The following FRYL variants were observed in gnomAD, a reference collection of about 807,000 sequenced individuals.
FRYL encodes protein furry homolog-like.
Under a neutral mutation model 351.2 loss-of-function variants are expected in FRYL, and 150 were observed. The observed-to-expected ratio is 0.43, with a 90% CI of 0.37 to 0.49. The LOEUF (loss-of-function observed/expected upper bound fraction) is 0.49. Among genes scored for constraint, FRYL ranks in the 20% least tolerant of loss-of-function variants. The probability of loss-of-function intolerance (pLI) is 0.00; values close to 1 mark genes in which losing one functional copy is unlikely to be tolerated. For missense variants in FRYL, 3,036 were observed against 3,619.3 expected (o/e 0.84, Z 4.13); for synonymous variants, 1,153 against 1,257.1 (o/e 0.92, Z 1.75).
At chr4:48,616,255 T>C (rs1484682592) in intron 7 of FRYL, among the ~76,000 whole-genome samples, 1 of 152,012 alleles carries the variant, frequency 6.6e-6, no homozygotes, top group Non-Finnish European at 1.5e-5. Flanking sequence ...ACCTAATGTA[T>C]CACATATTTT....
chr4:48,714,191 C>T (rs1263399233), intron 1 of FRYL, among the ~76,000 whole-genome samples: 1 of 152,028 alleles, frequency 6.6e-6, no homozygotes, highest in Non-Finnish European at 1.5e-5. Context: ...AATTGACACC[C>T]TAACATCACA....
chr4:48,676,258 T>C (rs1015394215), intron 3 of FRYL, among the ~76,000 whole-genome samples: 19 of 152,172 alleles, frequency 1.2e-4, no homozygotes, highest in Admixed American at 9.2e-4. Flanking sequence ...GCTCACTCTT[T>C]GGGTCCATGC....
At chr4:48,623,080 A>T (rs1337356431) in intron 5 of FRYL, 46 bp downstream of exon 5, 1 of 1,215,222 alleles carries the variant, frequency 8.2e-7, no homozygotes, top group South Asian at 1.4e-5. Context: ...TATTAGGATG[A>T]ACACTATTTC....
At chr4:48,521,331 A>C in intron 54 of FRYL, 116 bp from the exon 55 acceptor site, 1 of 724,864 alleles carries the variant, frequency 1.4e-6, no homozygotes. Flanking sequence ...GAGATTTCCT[A>C]AAATCATCTT....
In FRYL at chr4:48,541,228, C is replaced by T. The variant is rs191949638; in HGVS notation, c.5688-268G>A. Among the ~76,000 whole-genome samples the T allele has an allele frequency of 1.7e-4, 26 of 152,294 alleles. No individual in the cohort carries two copies. The East Asian group carries it at 1.7e-3, about 10-fold the overall frequency. On this transcript the variant is annotated intron_variant, in intron 45 of 63. Coordinates refer to ENST00000358350, the MANE Select transcript of FRYL (RefSeq NM_015030.2). The stretch of plus-strand genomic sequence containing the variant: ...ATTCTGCTATAGTAATCGCTAACAA[C>T]GTTCAGCTCTGAGATTTAGGCATAC...
At chr4:48,694,162 G>A (rs562759631) in intron 2 of FRYL, among the ~76,000 whole-genome samples, 22 of 152,066 alleles carry the variant, frequency 1.4e-4, no homozygotes, top group Non-Finnish European at 2.6e-4. Context: ...TGCATATCTC[G>A]GGATGAAGAA....
At chr4:48,700,778 G>C (rs1042301505) in intron 2 of FRYL, among the ~76,000 whole-genome samples, 4 of 151,412 alleles carry the variant, frequency 2.6e-5, no homozygotes, top group Non-Finnish European at 5.9e-5. Flanking sequence ...CTTCAGCCTG[G>C]GTGACAAAGC....
chr4:48,704,728 C>T (rs1343969065), intron 2 of FRYL, among the ~76,000 whole-genome samples: 1 of 151,970 alleles, frequency 6.6e-6, no homozygotes, highest in African/African-American at 2.4e-5. Context: ...GCAGGCGGAT[C>T]ACCTGAGATC....
intron 3 of FRYL, among the ~76,000 whole-genome samples, chr4:48,663,635 C>A (rs1344886163): frequency 6.6e-6 from 1 of 151,276 alleles, no homozygotes; most frequent in African/African-American, 2.4e-5. Context: ...ATTAGCCGGG[C>A]GTGGTAGCGG....
At chr4:48,606,356 G>T (rs1457527942) in intron 10 of FRYL, 82 bp downstream of exon 10, 3 of 782,810 alleles carry the variant, frequency 3.8e-6, no homozygotes, top group Non-Finnish European at 6.0e-6. Flanking sequence ...TAATTTACGT[G>T]TATTTTGTTT....
intron 1 of FRYL, among the ~76,000 whole-genome samples, chr4:48,765,046 T>C (rs1019773935): frequency 1.3e-5 from 2 of 152,160 alleles, no homozygotes; most frequent in African/African-American, 2.4e-5. Flanking sequence ...GGTTTCACCA[T>C]GTTGGCCAAG....
chr4:48,736,579 G>C (rs1560333619), intron 1 of FRYL, among the ~76,000 whole-genome samples: 1 of 152,102 alleles, frequency 6.6e-6, no homozygotes, highest in Non-Finnish European at 1.5e-5. Flanking sequence ...GCCGGGTACA[G>C]TGGCTCACAT....
In FRYL at chr4:48,598,609, A is replaced by G. The variant is rs184781886; in HGVS notation, c.1036-2609T>C. Among the ~76,000 whole-genome samples the G allele has an allele frequency of 2.9e-3, 435 of 152,342 alleles. 2 individuals carry two copies. The highest frequency in any genetic ancestry group is 4.1e-3 in the Non-Finnish European group (276 of 68,022). On this transcript the variant is annotated intron_variant, in intron 13 of 63. Coordinates refer to ENST00000358350, the MANE Select transcript of FRYL (RefSeq NM_015030.2). ...GACTTTTGGTGAAGAATCAGCATTC[A>G]GTGTCAGTTCTATTTCTTAAATTCA... is the stretch of plus-strand genomic sequence containing the variant.
At chr4:48,565,787 G>C (rs559396438) in intron 28 of FRYL, 96 bp from the exon 29 acceptor site, 304 of 1,218,474 alleles carry the variant, frequency 2.5e-4, no homozygotes, top group Non-Finnish European at 3.3e-4. Context: ...GTGTAAAAAA[G>C]AAAGCAGAAG....
Position 48,753,141 on chromosome 4 carries a change from T to A in FRYL, c.-384+26937A>T, listed in dbSNP as rs112027742. Among the ~76,000 whole-genome samples the A allele has an allele frequency of 4.5e-3, 681 of 152,254 alleles. 5 individuals are homozygous for A. Among genetic ancestry groups the A allele is most frequent in the African/African-American group, 0.015 (632 of 41,528 alleles). ...ATCCACTGACCTTGCTAATAAGAGA[T>A]CTTCTTTCTATTGGCACAGGATCAT... On this transcript the variant is annotated intron_variant, in intron 1 of 63. Coordinates refer to ENST00000358350, the MANE Select transcript of FRYL (RefSeq NM_015030.2).
intron 1 of FRYL, among the ~76,000 whole-genome samples, chr4:48,741,357 A>G (rs1316340340): frequency 3.3e-5 from 5 of 152,048 alleles, no homozygotes. Flanking sequence ...TAGCTAATAC[A>G]GTGAAACCCC....
intron 59 of FRYL, among the ~76,000 whole-genome samples, chr4:48,508,417 CTTTAA>C (rs1018332671): frequency 3.3e-5 from 5 of 152,222 alleles, no homozygotes; most frequent in Non-Finnish European, 5.9e-5. Flanking sequence ...TTTAGGTGGT[CTTTAA>C]TTTTTCTCAA....
In FRYL at chr4:48,570,867, T is replaced by C; in HGVS notation, c.2956A>G (p.Ile986Val). 1 of 1,614,004 alleles carries C rather than the reference T, an allele frequency of 6.2e-7. No individual in the cohort carries two copies. The highest frequency in any genetic ancestry group is 8.5e-7 in the Non-Finnish European group (1 of 1,179,876). The change falls in exon 27 of 64, where the codon ATA (isoleucine) becomes GTA (valine). Residue 986 changes from isoleucine to valine, a missense_variant. Around this residue, in one of 7 missense-constraint regions of FRYL, gnomAD observed 492 missense variants for 551.5 expected, o/e 0.89. Transcript: ENST00000358350. ...RDILRVQLVR[I>V]FELLADAGVI... ...CCAGCATCTGCCAGCAGTTCAAATA[T>C]TCGTACCAGTTGTACTCGTAAAATG...
intron 2 of FRYL, among the ~76,000 whole-genome samples, chr4:48,686,464 T>C (rs1765159934): frequency 6.6e-6 from 1 of 152,208 alleles, no homozygotes; most frequent in African/African-American, 2.4e-5. Context: ...ATAATCTTGA[T>C]ACTTTGCTTA....
Sources: gnomAD v4.1 joint callset for allele counts (sites outside exome capture counted in the v4.1 genomes callset) on GRCh38, gnomAD v4.1.1 for gene constraint, gnomAD v4.1.1 regional missense constraint, MANE v1.5 for transcripts, NCBI Gene and HGNC (gene_info 2026-07-23, HGNC 2026-07-21) for gene names.